The following NPC1 variants were observed in gnomAD, a reference collection of about 807,000 sequenced individuals.
NPC1 encodes the protein NPC intracellular cholesterol transporter 1.
A neutral mutation model predicts 140.4 loss-of-function variants in NPC1; 85 were observed. The observed-to-expected ratio is 0.61, with a 90% CI of 0.51 to 0.72. The LOEUF is 0.72. Ranked by LOEUF, NPC1 falls within the 30% of genes least tolerant of loss-of-function variation. NPC1 has a pLI of 0.00. For missense variants in NPC1, 1,504 were observed against 1,623.8 expected (o/e 0.93, Z 1.27); for synonymous variants, 656 against 624.8 (o/e 1.05, Z -0.74).
downstream of NPC1, chr18:23,529,114 G>C: frequency 6.4e-7 from 1 of 1,562,058 alleles, no homozygotes. Context: ...CCTTGTGGAT[G>C]AACTGTAAAC....
chr18:23,514,427 G>A (rs775019686), intron 3 of NPC1, among the ~76,000 whole-genome samples: 3 of 152,148 alleles, frequency 2.0e-5, no homozygotes, highest in African/African-American at 7.2e-5. Flanking sequence ...TGTGGTGGTG[G>A]GCGCCTATAA....
Position 23,531,464 on chromosome 18 carries a change from T to A in NPC1, c.*738A>T, listed in dbSNP as rs1256447958. 5 of 1,382,022 alleles carry A rather than the reference T, an allele frequency of 3.6e-6. No individual in the cohort carries two copies. In the South Asian group the frequency reaches 7.9e-5, roughly 22 times the overall value. The allele number at this position is 1,382,022 out of a possible 1,614,324, so 85.6% of individuals were successfully genotyped here. A position where few individuals can be genotyped will look rare whatever the true frequency, so the allele number is the denominator to read the frequency against. On this transcript the variant is annotated 3_prime_UTR_variant, in exon 25 of 25. Transcript: ENST00000269228. Reference sequence around the variant, plus strand: ...GAATCTCTTCCATTTAGCTTTTGTATTTGTCTCTCAAAGCAGATAGGGTAA... The same window carrying A: ...GAATCTCTTCCATTTAGCTTTTGTAATTGTCTCTCAAAGCAGATAGGGTAA...
At chr18:23,507,304 G>A (rs1484805378) in intron 3 of NPC1, among the ~76,000 whole-genome samples, 35 of 152,092 alleles carry the variant, frequency 2.3e-4, no homozygotes, top group Non-Finnish European at 7.4e-5. Context: ...TTGTTGCCCA[G>A]GCTGGAGTGC....
At chr18:23,517,137 T>G (rs1455663909) in intron 3 of NPC1, among the ~76,000 whole-genome samples, 1 of 152,080 alleles carries the variant, frequency 6.6e-6, no homozygotes, top group East Asian at 1.9e-4. Flanking sequence ...TAGAGGTATA[T>G]TTTCTTTTAC....
intron 8 of NPC1, 115 bp from the exon 9 acceptor site, chr18:23,555,099 C>CTCT: frequency 1.3e-6 from 1 of 753,260 alleles, no homozygotes; most frequent in Non-Finnish European, 2.3e-6. Flanking sequence ...GGGGAAAATA[C>CTCT]TTCCTAAGAT....
At chr18:23,523,097 G>A (rs917433558) in intron 1 of NPC1, among the ~76,000 whole-genome samples, 4 of 152,328 alleles carry the variant, frequency 2.6e-5, no homozygotes, top group Admixed American at 1.3e-4. Flanking sequence ...TGCACTCGGC[G>A]CAGACCTTGA....
At chr18:23,545,235 G>C (rs775391241) in intron 11 of NPC1, 86 bp from the exon 12 acceptor site, 75 of 1,015,354 alleles carry the variant, frequency 7.4e-5, no homozygotes, top group Non-Finnish European at 1.1e-4. Context: ...ACGATACAAA[G>C]GCCACGTTTT....
downstream of NPC1, chr18:23,520,113 C>T (rs911881870): frequency 3.0e-6 from 3 of 985,246 alleles, no homozygotes; most frequent in Non-Finnish European, 4.8e-6. Flanking sequence ...GGCTTTTAAA[C>T]TGATTTAAAC....
rs773241366 is a variant in NPC1 at position 23,551,717 on chromosome 18, A to T, written c.1564T>A (p.Ser522Thr). The T allele has an allele frequency of 1.9e-6, 3 of 1,613,950 alleles. No homozygotes were observed. Among genetic ancestry groups the T allele is most frequent in the Non-Finnish European group, 1.7e-6 (2 of 1,179,814 alleles). The change falls in exon 10 of 25, where the codon TCT becomes ACT. Residue 522 changes from serine (S) to threonine (T), a missense_variant. By Grantham distance (58) the Ser-to-Thr change is moderately conservative (BLOSUM62 1). Coordinates refer to ENST00000269228, the MANE Select transcript of NPC1 (RefSeq NM_000271.5). The part of the protein sequence containing the change: ...HFLYCVRAPA[S>T]LNDTSLLHDP... ...TGGAGCAAACTTGTATCATTCAGAG[A>T]GGCAGGAGCCCTGCCAAAAAGTTTA...
downstream of NPC1, among the ~76,000 whole-genome samples, chr18:23,524,796 T>A (rs1186939385): frequency 1.3e-5 from 2 of 151,768 alleles, no homozygotes; most frequent in African/African-American, 4.8e-5. Flanking sequence ...CTCCCTCATT[T>A]CTCCCATCGA....
At position 23,531,453 on chromosome 18, in the gene NPC1, T is replaced by TACAAA. The variant is rs2058502617; in HGVS notation, c.*748_*749insTTTGT. On this transcript the variant is annotated 3_prime_UTR_variant, in exon 25 of 25. Coordinates refer to ENST00000269228, the MANE Select transcript of NPC1 (RefSeq NM_000271.5). ...CAGGTTAGATAGAATCTCTTCCATT[T>TACAAA]AGCTTTTGTATTTGTCTCTCAAAGC... 3.8e-6 allele frequency: 5 copies of TACAAA among 1,326,718 alleles called. No homozygotes were observed. In the South Asian group the frequency reaches 8.2e-5, roughly 22 times the overall value. The allele number at this position is 1,326,718 out of a possible 1,614,324, so 82.2% of individuals were successfully genotyped here.
intron 23 of NPC1, 187 bp downstream of exon 23, chr18:23,534,259 G>A (rs890202751): frequency 4.4e-5 from 29 of 658,268 alleles, no homozygotes; most frequent in East Asian, 1.1e-4. Context: ...AAAAGGAGCC[G>A]TACCAACAGG....
In NPC1 at chr18:23,555,492, C is replaced by A. The variant is rs193122945; in HGVS notation, c.1327-508G>T. Among the ~76,000 whole-genome samples, 134 of 152,360 alleles carry A rather than the reference C, an allele frequency of 8.8e-4. 1 individual carries two copies. The highest frequency in any genetic ancestry group is 1.4e-3 in the Non-Finnish European group (94 of 68,042). On this transcript the variant is annotated intron_variant, in intron 8 of 24. Coordinates refer to ENST00000269228, the MANE Select transcript of NPC1 (RefSeq NM_000271.5). ...AGCTGGAAAAAGCAACAGACAGTCA[C>A]TGGGTAGAGAAAAGATTCAAGTCTT...
chr18:23,543,909 C>A (rs1598953509), intron 13 of NPC1, among the ~76,000 whole-genome samples: 1 of 152,174 alleles, frequency 6.6e-6, no homozygotes, highest in African/African-American at 2.4e-5. Context: ...CTGAGACCAC[C>A]TTCTACAGCA....
intron 1 of NPC1, among the ~76,000 whole-genome samples, chr18:23,584,159 T>C (rs1443406190): frequency 6.6e-6 from 1 of 152,174 alleles, no homozygotes; most frequent in Non-Finnish European, 1.5e-5. Context: ...TCTGTACATA[T>C]TGAACATTAA....
chr18:23,557,650 G>A (rs1464006412), intron 6 of NPC1, among the ~76,000 whole-genome samples: 1 of 152,214 alleles, frequency 6.6e-6, no homozygotes, highest in Non-Finnish European at 1.5e-5. Flanking sequence ...GCTGAGGCAG[G>A]AGAACTGCTT....
intron 4 of NPC1, among the ~76,000 whole-genome samples, chr18:23,567,606 A>G (rs1413236867): frequency 6.6e-6 from 1 of 152,120 alleles, no homozygotes; most frequent in Admixed American, 6.5e-5. Context: ...TGAGGTCTTC[A>G]ATTTTTCACA....
intron 3 of NPC1, chr18:23,506,827 ACTGATGG>A: frequency 5.0e-6 from 3 of 605,930 alleles, no homozygotes; most frequent in Non-Finnish European, 8.9e-6. Context: ...AAGAGGTCCT[ACTGATGG>A]CTTCCGAAAC....
chr18:23,560,304 C>T lies in NPC1; in HGVS notation c.808G>A (p.Val270Ile), dbSNP rs1357930161. The T allele has an allele frequency of 1.9e-6, 3 of 1,614,232 alleles. No individual in the cohort carries two copies. Among genetic ancestry groups the T allele is most frequent in the Admixed American group, 1.7e-5 (1 of 60,024 alleles). Residue 270 changes from valine (V) to isoleucine (I), a missense_variant, in exon 6 of 25, where the codon GTC becomes ATC. Val to Ile is a conservative substitution (Grantham distance 29). Transcript: ENST00000269228. ...WTILGLDAMYVIMWITYMAFL... is the reference protein window; with the variant it reads ...WTILGLDAMYIIMWITYMAFL... The stretch of plus-strand genomic sequence containing the variant: ...GCCATGTAGGTGATCCACATGATGA[C>T]ATACATGGCGTCCAAGCCAAGGATC...
Sources: gnomAD v4.1 joint callset for allele counts (sites outside exome capture counted in the v4.1 genomes callset) on GRCh38, gnomAD v4.1.1 for gene constraint, MANE v1.5 for transcripts, NCBI Gene and HGNC (gene_info 2026-07-23, HGNC 2026-07-21) for gene names.